Variants in EYA3 observed in about 807,000 individuals in gnomAD.
EYA3 encodes the protein protein phosphatase EYA3.
In EYA3, 39 loss-of-function variants were observed where a neutral mutation model predicts 80.0. The observed-to-expected ratio is 0.49, with a 90% CI of 0.38 to 0.64. The LOEUF is 0.64. Ranked by LOEUF, EYA3 falls within the 30% of genes least tolerant of loss-of-function variation. EYA3 has a pLI of 0.00. For synonymous variants in EYA3, 206 were observed against 232.8 expected (o/e 0.88, Z 1.05); for missense variants, 523 against 676.1 (o/e 0.77, Z 2.51).
chr1:28,054,312 C>T (rs1025744846), intron 2 of EYA3, among the ~76,000 whole-genome samples: 2 of 152,148 alleles, frequency 1.3e-5, no homozygotes, highest in Non-Finnish European at 2.9e-5. Context: ...GAGACAACTT[C>T]CTGTTCTACC....
At chr1:27,986,789 G>A (rs1329169962) in intron 16 of EYA3, among the ~76,000 whole-genome samples, 1 of 152,056 alleles carries the variant, frequency 6.6e-6, no homozygotes, top group Non-Finnish European at 1.5e-5. Context: ...TGCAACCTCC[G>A]CCTCTCAGGT....
intron 17 of EYA3, among the ~76,000 whole-genome samples, chr1:27,975,660 C>T (rs531983448): frequency 2.6e-5 from 4 of 151,410 alleles, no homozygotes; most frequent in East Asian, 3.9e-4. Flanking sequence ...TAATTTTTTA[C>T]ATTTTTAGTA....
At chr1:28,048,284 CAA>C (rs1644102747) in intron 3 of EYA3, 97 bp downstream of exon 3, 1 of 702,542 alleles carries the variant, frequency 1.4e-6, no homozygotes, top group Middle Eastern at 4.1e-4. Flanking sequence ...TGGTAAGAAC[CAA>C]AAAGAGGGCA....
chr1:28,073,046 G>GA (rs1258669858), intron 1 of EYA3, among the ~76,000 whole-genome samples: 1 of 138,770 alleles, frequency 7.2e-6, no homozygotes, highest in Non-Finnish European at 1.5e-5. Context: ...TTGGGGATGG[G>GA]AAAAAAGGTT....
chr1:28,066,691 T>C (rs1342682038), intron 1 of EYA3, among the ~76,000 whole-genome samples: 1 of 152,116 alleles, frequency 6.6e-6, no homozygotes, highest in African/African-American at 2.4e-5. Flanking sequence ...CAAATCCAAT[T>C]ATGTAAAATA....
intron 7 of EYA3, among the ~76,000 whole-genome samples, chr1:28,023,127 C>A (rs1557582262): frequency 6.6e-6 from 1 of 151,176 alleles, no homozygotes; most frequent in Non-Finnish European, 1.5e-5. Flanking sequence ...GGGAGTATGT[C>A]AAAAGGCATA....
intron 4 of EYA3, among the ~76,000 whole-genome samples, chr1:28,042,168 T>C (rs1643819837): frequency 6.6e-6 from 1 of 152,120 alleles, no homozygotes; most frequent in African/African-American, 2.4e-5. Context: ...ACCACCAGAA[T>C]AGAATCACCT....
chr1:27,997,106 A>G (rs1162476032), intron 13 of EYA3, among the ~76,000 whole-genome samples: 1 of 152,098 alleles, frequency 6.6e-6, no homozygotes, highest in Non-Finnish European at 1.5e-5. Context: ...CCCTATCCCA[A>G]CAGAATTCTT....
rs893672400 is a variant in EYA3, at chr1:28,071,538, A to G, written c.-68-13444T>C. ...TCATAATATGGTACTAAATGATCAGAAATTTTTTTCATTGGAAAAACGTGA... is the reference window on the plus strand; with the variant it reads ...TCATAATATGGTACTAAATGATCAGGAATTTTTTTCATTGGAAAAACGTGA... On this transcript the variant is annotated intron_variant, in intron 1 of 17. Coordinates refer to ENST00000373871, the MANE Select transcript of EYA3 (RefSeq NM_001990.4). Among the ~76,000 whole-genome samples, 12 of 152,354 alleles carry G rather than the reference A, an allele frequency of 7.9e-5. 1 individual carries two copies. The South Asian group carries it at 2.1e-3, about 26-fold the overall frequency.
intron 5 of EYA3, among the ~76,000 whole-genome samples, chr1:28,036,929 G>T (rs777459247): frequency 1.2e-4 from 19 of 152,062 alleles, no homozygotes; most frequent in Admixed American, 3.3e-4. Context: ...GCAGATAAGA[G>T]GCACAGAACT....
chr1:28,045,691 T>C (rs1161128747), intron 3 of EYA3, among the ~76,000 whole-genome samples: 1 of 152,252 alleles, frequency 6.6e-6, no homozygotes, highest in Non-Finnish European at 1.5e-5. Flanking sequence ...AGAAATGACA[T>C]ACTGCCTCAA....
rs535085444 is a variant in EYA3, at chr1:28,001,424, G to T, written c.994-1375C>A. Among the ~76,000 whole-genome samples, 10 of 151,024 alleles carry T rather than the reference G, an allele frequency of 6.6e-5. No individual in the cohort carries two copies. In the East Asian group the frequency reaches 7.8e-4, roughly 12 times the overall value. On this transcript the variant is annotated intron_variant, in intron 11 of 17. Transcript: ENST00000373871. ...TATAATGTAAAAAACTGTTTTTCAT[G>T]AAATAATATTATGTGTATATGTAAA... is the stretch of plus-strand genomic sequence containing the variant.
At chr1:27,998,215 C>T (rs1352204497) in intron 12 of EYA3, 8 of 561,310 alleles carry the variant, frequency 1.4e-5, no homozygotes, top group African/African-American at 1.4e-4. Context: ...AGAGTGAAGT[C>T]CTAGAATCTC....
intron 7 of EYA3, among the ~76,000 whole-genome samples, chr1:28,022,332 T>C (rs1642495543): frequency 2.0e-5 from 3 of 151,938 alleles, no homozygotes; most frequent in African/African-American, 7.3e-5. Context: ...GTATTTTTAG[T>C]AGAGACAGGA....
Position 28,038,874 on chromosome 1 carries a change from T to C in EYA3, c.189A>G (p.Ser63=), listed in dbSNP as rs138706755. 7.5e-6 allele frequency: 12 copies of C among 1,601,160 alleles called. No individual in the cohort carries two copies. Among genetic ancestry groups the C allele is most frequent in the African/African-American group, 2.7e-5 (2 of 74,772 alleles). ...IMTCTDYIPR[S]SNDYTSQMYS... is the part of the protein sequence containing the mutation. ...ACATTTGTGAGGTATAATCATTGGA[T>C]GAGCGAGGGATGTAATCGGTGCATG... The change falls in exon 5 of 18, where the codon TCA becomes TCG. Residue 63 remains serine (S), a synonymous_variant. Transcript: ENST00000373871.
intron 14 of EYA3, among the ~76,000 whole-genome samples, chr1:27,992,650 C>A (rs1288075195): frequency 6.6e-6 from 1 of 152,136 alleles, no homozygotes; most frequent in Non-Finnish European, 1.5e-5. Context: ...AATATTTTCT[C>A]AAAAGAGTAC....
chr1:28,013,614 C>T lies in EYA3; in HGVS notation c.586-320G>A, dbSNP rs1392182036. Among the ~76,000 whole-genome samples the T allele has an allele frequency of 6.6e-6, 1 of 152,060 alleles. No homozygotes were observed. Among genetic ancestry groups the T allele is most frequent in the Non-Finnish European group, 1.5e-5 (1 of 68,032 alleles). On this transcript the variant is annotated intron_variant, in intron 8 of 17. Transcript: ENST00000373871. This position sits in a 1 kb window ranked among gnomAD's most constrained non-coding sequence, Gnocchi z 4.0. ...CAGCCTCTTCCCCCAGTTTTATGTACCGAATTTCTGCACAGAATTTGAGGG... is the reference window on the plus strand; with the variant it reads ...CAGCCTCTTCCCCCAGTTTTATGTATCGAATTTCTGCACAGAATTTGAGGG...
intron 1 of EYA3, among the ~76,000 whole-genome samples, chr1:28,072,084 A>G (rs893526258): frequency 6.6e-6 from 1 of 152,164 alleles, no homozygotes; most frequent in Non-Finnish European, 1.5e-5. Flanking sequence ...ACTCAAAATG[A>G]TGACACACAA....
At chr1:28,078,550 CTTCTT>C (rs201638992) in intron 1 of EYA3, among the ~76,000 whole-genome samples, 2,080 of 152,004 alleles carry the variant, frequency 0.014, 48 homozygotes, top group African/African-American at 0.046. Flanking sequence ...TCTTTTTCTT[CTTCTT>C]TTCTTTAATT....
Sources: gnomAD v4.1 joint callset for allele counts (sites outside exome capture counted in the v4.1 genomes callset) on GRCh38, gnomAD v4.1.1 for gene constraint, Gnocchi (gnomAD v3.1) non-coding constraint, MANE v1.5 for transcripts, NCBI Gene and HGNC (gene_info 2026-07-23, HGNC 2026-07-21) for gene names.